UBE2D3: variants seen among roughly 807,000 people sequenced by gnomAD.
The protein encoded by UBE2D3 is ubiquitin-conjugating enzyme E2 D3.
Under a neutral mutation model 22.8 loss-of-function variants are expected in UBE2D3, and 2 were observed. The observed-to-expected ratio is 0.09, with a 90% CI of 0.04 to 0.28. The LOEUF (loss-of-function observed/expected upper bound fraction) is 0.28, where lower values mean the gene tolerates loss of function less well. UBE2D3 is among the 10% of genes least tolerant of loss of function. The pLI is 1.00. For missense variants in UBE2D3, 27 were observed against 182.5 expected (o/e 0.15, Z 4.91); for synonymous variants, 56 against 60.4 (o/e 0.93, Z 0.34).
chr4:102,836,055 T>G (rs1228757677), intron 1 of UBE2D3, among the ~76,000 whole-genome samples: 1 of 152,282 alleles, frequency 6.6e-6, no homozygotes, highest in Non-Finnish European at 1.5e-5. Flanking sequence ...AGTAGTTCAT[T>G]ATCTTTTATT....
At chr4:102,800,749 T>C (rs568517685) in intron 6 of UBE2D3, among the ~76,000 whole-genome samples, 13 of 152,192 alleles carry the variant, frequency 8.5e-5, no homozygotes, top group South Asian at 2.1e-4. Context: ...TATACACATA[T>C]GAAACTTTTA....
intron 1 of UBE2D3, chr4:102,826,892 G>A: frequency 9.5e-7 from 1 of 1,056,806 alleles, no homozygotes; most frequent in Non-Finnish European, 1.1e-6. Context: ...GTAGGAGAAA[G>A]GGGTGGGTGC....
intron 4 of UBE2D3, 153 bp downstream of exon 4, chr4:102,809,519 T>C: frequency 1.2e-6 from 1 of 807,876 alleles, no homozygotes; most frequent in Non-Finnish European, 1.9e-6. Flanking sequence ...ACTAACTCAT[T>C]ATGTTTTTTC....
chr4:102,810,581 G>A (rs748150176), intron 2 of UBE2D3: 3 of 151,950 alleles, frequency 2.0e-5, no homozygotes, highest in Admixed American at 1.3e-4. Flanking sequence ...ATTTCACTGT[G>A]TTAACCAGGA....
intron 1 of UBE2D3, among the ~76,000 whole-genome samples, chr4:102,857,546 C>T (rs1356036409): frequency 6.6e-6 from 1 of 152,058 alleles, no homozygotes; most frequent in African/African-American, 2.4e-5. Context: ...TGCTAATAGC[C>T]ATAACATGTT....
chr4:102,812,966 TTAAG>T (rs1202423097), intron 2 of UBE2D3: 2 of 152,248 alleles, frequency 1.3e-5, no homozygotes, highest in South Asian at 4.1e-4. Flanking sequence ...TTCAACAAGA[TTAAG>T]TAAGACTATT....
chr4:102,810,881 C>T (rs1189798251), intron 2 of UBE2D3: 1 of 151,954 alleles, frequency 6.6e-6, no homozygotes, highest in African/African-American at 2.4e-5. Flanking sequence ...ATAAATAGAA[C>T]CAATGTTAAT....
intron 1 of UBE2D3, among the ~76,000 whole-genome samples, chr4:102,848,525 A>T (rs140464543): frequency 4.5e-4 from 69 of 152,198 alleles, no homozygotes; most frequent in African/African-American, 1.7e-3. Flanking sequence ...GGTGCCTGTT[A>T]TCCCAGTTAC....
At chr4:102,856,736 T>A (rs1329565564) in intron 1 of UBE2D3, among the ~76,000 whole-genome samples, 1 of 152,192 alleles carries the variant, frequency 6.6e-6, no homozygotes, top group Non-Finnish European at 1.5e-5. Flanking sequence ...ATGTAATTTT[T>A]AAAATTTATA....
chr4:102,838,034 G>A (rs927231392), intron 1 of UBE2D3, among the ~76,000 whole-genome samples: 2 of 152,112 alleles, frequency 1.3e-5, no homozygotes, highest in African/African-American at 2.4e-5. Context: ...TGGGAGGATT[G>A]CTGAAACCTG....
At chr4:102,820,855 T>C (rs531650456) in intron 2 of UBE2D3, among the ~76,000 whole-genome samples, 37 of 152,306 alleles carry the variant, frequency 2.4e-4, no homozygotes, top group African/African-American at 8.9e-4. Flanking sequence ...AAGTATTTCA[T>C]ACTGAAAAAG....
intron 1 of UBE2D3, among the ~76,000 whole-genome samples, chr4:102,842,728 A>G (rs1578287522): frequency 6.6e-6 from 1 of 152,274 alleles, no homozygotes; most frequent in Non-Finnish European, 1.5e-5. Context: ...AAAAGGCAAA[A>G]TATGTGGCAG....
At chr4:102,804,540 T>C (rs947499393) in intron 4 of UBE2D3, among the ~76,000 whole-genome samples, 3 of 152,164 alleles carry the variant, frequency 2.0e-5, no homozygotes, top group Non-Finnish European at 4.4e-5. Flanking sequence ...TAGATTAACA[T>C]GTCTTTATTA....
At chr4:102,858,428 G>A (rs1044971819) in intron 1 of UBE2D3, among the ~76,000 whole-genome samples, 1 of 151,886 alleles carries the variant, frequency 6.6e-6, no homozygotes, top group African/African-American at 2.4e-5. Context: ...AGACACGTGT[G>A]ATGAACTCTT....
At chr4:102,823,743 G>C (rs540532647) in intron 2 of UBE2D3, among the ~76,000 whole-genome samples, 14 of 152,264 alleles carry the variant, frequency 9.2e-5, no homozygotes, top group African/African-American at 3.1e-4. Context: ...CAGGAAAAAA[G>C]TTGATTGGTC....
At chr4:102,821,962 A>G (rs1252817502) in intron 2 of UBE2D3, among the ~76,000 whole-genome samples, 1 of 151,664 alleles carries the variant, frequency 6.6e-6, no homozygotes, top group East Asian at 1.9e-4. Context: ...AATCTGAAAC[A>G]TTTTTTTATC....
chr4:102,831,774 C>T (rs1342995478), upstream of UBE2D3, among the ~76,000 whole-genome samples: 1 of 152,044 alleles, frequency 6.6e-6, no homozygotes, highest in African/African-American at 2.4e-5. Flanking sequence ...TGTAATACTG[C>T]TTTTGGTGTA....
At chr4:102,828,492 G>A (rs888585411), upstream of UBE2D3, among the ~76,000 whole-genome samples, 7 of 152,206 alleles carry the variant, frequency 4.6e-5, no homozygotes, top group African/African-American at 1.7e-4. Context: ...GAACAGCAGG[G>A]AGCAGGCTGA....
rs534226086 is a variant in UBE2D3, at chr4:102,853,934, TCAG to T, written c.-129+14778_-129+14780del. On this transcript the variant is annotated intron_variant, in intron 1 of 7. Coordinates refer to the UBE2D3 transcript ENST00000338145. ...ACACTAAATTAGAGGTGTGCTTAGC[TCAG>T]TGTCTGTCCATATTAGGCACTCAGT... Among the ~76,000 whole-genome samples the T allele has an allele frequency of 5.9e-3, 903 of 152,316 alleles. 8 individuals carry two copies. The highest frequency in any genetic ancestry group is 9.0e-3 in the Non-Finnish European group (613 of 68,014).
Sources: gnomAD v4.1 joint callset for allele counts (sites outside exome capture counted in the v4.1 genomes callset) on GRCh38, gnomAD v4.1.1 for gene constraint, MANE v1.5 for transcripts, NCBI Gene and HGNC (gene_info 2026-07-23, HGNC 2026-07-21) for gene names.